Variants in DUSP13B observed in about 807,000 individuals in gnomAD.
DUSP13B encodes the protein dual specificity phosphatase 13B, also known as dual specificity protein phosphatase 13B.
the DUSP13B span, among the ~76,000 whole-genome samples, chr10:75,107,646 G>A: frequency 6.6e-6 from 1 of 151,960 alleles, no homozygotes; most frequent in Non-Finnish European, 1.5e-5. Context: ...GCATGATCTC[G>A]GCTCACTGCA....
At chr10:75,102,451 A>T in the DUSP13B span, among the ~76,000 whole-genome samples, 1 of 152,154 alleles carries the variant, frequency 6.6e-6, no homozygotes, top group Non-Finnish European at 1.5e-5. Flanking sequence ...TCAAAAAGAA[A>T]AAAAGAAAAA....
At chr10:75,099,623 T>G in the DUSP13B span, 2 of 1,071,700 alleles carry the variant, frequency 1.9e-6, no homozygotes, top group Non-Finnish European at 2.4e-6. Context: ...CAGTGGGCCC[T>G]CCGGTCCCTC....
the DUSP13B span, chr10:75,094,920 A>G: frequency 6.3e-7 from 1 of 1,581,296 alleles, no homozygotes; most frequent in Non-Finnish European, 8.7e-7. Context: ...CTGCCCTTGA[A>G]CCACCCACCC....
At chr10:75,097,902 A>T in the DUSP13B span, 1 of 1,555,582 alleles carries the variant, frequency 6.4e-7, no homozygotes, top group South Asian at 1.2e-5. Context: ...CAGAGTGGAC[A>T]CCGCAGTGGC....
At chr10:75,100,874 G>C in the DUSP13B span, among the ~76,000 whole-genome samples, 1 of 152,356 alleles carries the variant, frequency 6.6e-6, no homozygotes, top group East Asian at 1.9e-4. Flanking sequence ...CTCCCATGAC[G>C]CTGCTCTGTG....
At chr10:75,106,495 C>T in the DUSP13B span, among the ~76,000 whole-genome samples, 6 of 152,270 alleles carry the variant, frequency 3.9e-5, no homozygotes, top group Admixed American at 1.3e-4. Flanking sequence ...CTTTCTTGAC[C>T]GCTCAAAGTA....
chr10:75,108,299 G>A, the DUSP13B span: 2 of 1,502,542 alleles, frequency 1.3e-6, no homozygotes, highest in Non-Finnish European at 1.8e-6. Context: ...GAGGGACCGA[G>A]CCATTAGGGT....
chr10:75,108,022 A>T, the DUSP13B span: 2 of 1,613,486 alleles, frequency 1.2e-6, no homozygotes, highest in Admixed American at 3.3e-5. Flanking sequence ...CGGTGGATGA[A>T]GTCAGCCGCA....
the DUSP13B span, among the ~76,000 whole-genome samples, chr10:75,104,820 C>T: frequency 6.6e-6 from 1 of 151,950 alleles, no homozygotes; most frequent in African/African-American, 2.4e-5. Context: ...GGGAAGGGGT[C>T]GATGCTGCTG....
At chr10:75,103,580 C>T in the DUSP13B span, among the ~76,000 whole-genome samples, 4 of 152,234 alleles carry the variant, frequency 2.6e-5, no homozygotes, top group Non-Finnish European at 4.4e-5. Context: ...CTGTCATCCA[C>T]AGACCTTTGT....
At chr10:75,100,540 C>T in the DUSP13B span, among the ~76,000 whole-genome samples, 486 of 152,304 alleles carry the variant, frequency 3.2e-3, 2 homozygotes, top group Non-Finnish European at 4.6e-3. Context: ...CTGCCTGACA[C>T]TACATTCCAT....
At chr10:75,096,588 A>G in the DUSP13B span, among the ~76,000 whole-genome samples, 1 of 152,024 alleles carries the variant, frequency 6.6e-6, no homozygotes, top group Admixed American at 6.6e-5. Flanking sequence ...AAAAAAAAAA[A>G]AAAAAGAAAA....
chr10:75,095,936 A>G, the DUSP13B span: 1 of 744,564 alleles, frequency 1.3e-6, no homozygotes, highest in Non-Finnish European at 2.2e-6. Context: ...CCCAGGGTGA[A>G]GGGGCTCCTC....
the DUSP13B span, chr10:75,099,230 AG>A: frequency 8.1e-7 from 1 of 1,232,254 alleles, no homozygotes; most frequent in Non-Finnish European, 1.0e-6. Context: ...TGACTAGGGA[AG>A]GTGCATACTG....
chr10:75,097,240 C>G, the DUSP13B span, among the ~76,000 whole-genome samples: 1 of 151,704 alleles, frequency 6.6e-6, no homozygotes, highest in Non-Finnish European at 1.5e-5. Flanking sequence ...CAGAGTTTCG[C>G]TCTTATTGTC....
At chr10:75,105,632 A>C in the DUSP13B span, 3 of 1,541,224 alleles carry the variant, frequency 1.9e-6, no homozygotes, top group African/African-American at 4.1e-5. Context: ...CCGGCCAACC[A>C]CATCCAGCTT....
chr10:75,101,179 A>C, the DUSP13B span, among the ~76,000 whole-genome samples: 1 of 152,170 alleles, frequency 6.6e-6, no homozygotes, highest in East Asian at 1.9e-4. Flanking sequence ...TGGGGAGGGC[A>C]GACCTGGGTA....
chr10:75,096,216 C>T, the DUSP13B span, among the ~76,000 whole-genome samples: 1 of 152,090 alleles, frequency 6.6e-6, no homozygotes, highest in African/African-American at 2.4e-5. Context: ...GATTATGCCA[C>T]TGCACTCTAG....
the DUSP13B span, among the ~76,000 whole-genome samples, chr10:75,107,662 C>T: frequency 7.9e-5 from 12 of 152,140 alleles, no homozygotes; most frequent in East Asian, 1.2e-3. Context: ...CTGCAACCTC[C>T]GCCCCCCATG....
Sources: allele counts gnomAD v4.1 joint callset (sites outside exome capture counted in the v4.1 genomes callset), GRCh38; gene constraint gnomAD v4.1.1; transcripts MANE v1.5; gene names NCBI Gene and HGNC (gene_info 2026-07-23, HGNC 2026-07-21).